Variants in ACER2 observed in about 807,000 individuals in gnomAD.
The protein encoded by ACER2 is alkaline ceramidase 2.
In ACER2, 26 loss-of-function variants were observed where a neutral mutation model predicts 34.7. The observed-to-expected ratio is 0.75, with a 90% CI of 0.55 to 1.04. The LOEUF (loss-of-function observed/expected upper bound fraction) is 1.04, where lower values mean the gene tolerates loss of function less well. Ranked by LOEUF, ACER2 falls within the 50% of genes least tolerant of loss-of-function variation. The pLI is 0.00. For missense variants in ACER2, 352 were observed against 340.8 expected (o/e 1.03, Z -0.26); for synonymous variants, 138 against 132.1 (o/e 1.04, Z -0.31).
intron 3 of ACER2, among the ~76,000 whole-genome samples, chr9:19,433,797 C>A (rs552933049): frequency 6.6e-6 from 1 of 151,160 alleles, no homozygotes; most frequent in Non-Finnish European, 1.5e-5. Context: ...ACCCCCCCAC[C>A]TCCTTCCCGG....
intron 4 of ACER2, 45 bp from the exon 5 acceptor site, chr9:19,446,236 G>T: frequency 6.2e-7 from 1 of 1,614,042 alleles, no homozygotes; most frequent in African/African-American, 1.3e-5. Context: ...GCAAGGAGGT[G>T]GAGACAAGGT....
intron 1 of ACER2, among the ~76,000 whole-genome samples, chr9:19,416,653 G>T (rs1424109588): frequency 6.6e-6 from 1 of 151,690 alleles, no homozygotes; most frequent in Non-Finnish European, 1.5e-5. Context: ...AGCCTCCCGA[G>T]TAGGTGGGAT....
At chr9:19,424,884 G>A (rs779512687) in intron 3 of ACER2, 43 bp downstream of exon 3, 53 of 1,610,844 alleles carry the variant, frequency 3.3e-5, no homozygotes, top group Non-Finnish European at 4.2e-5. Flanking sequence ...ACTAGGTGCA[G>A]TACCCAATAT....
At chr9:19,422,134 A>AG (rs1705516205) in intron 1 of ACER2, among the ~76,000 whole-genome samples, 2 of 151,572 alleles carry the variant, frequency 1.3e-5, no homozygotes, top group African/African-American at 2.4e-5. Flanking sequence ...AAAAAAAAAA[A>AG]AAATTATAAT....
intron 3 of ACER2, among the ~76,000 whole-genome samples, chr9:19,433,388 T>C (rs1308003456): frequency 1.3e-5 from 2 of 151,956 alleles, no homozygotes; most frequent in African/African-American, 4.8e-5. Context: ...AGCATCTGTT[T>C]AACAAAGCAC....
At chr9:19,417,291 A>G (rs540204306) in intron 1 of ACER2, among the ~76,000 whole-genome samples, 1 of 152,232 alleles carries the variant, frequency 6.6e-6, no homozygotes, top group Non-Finnish European at 1.5e-5. Flanking sequence ...GAAAATGGCC[A>G]TACTGCCCAA....
At position 19,446,547 on chromosome 9, in the gene ACER2, C is replaced by T. The variant is rs75688067; in HGVS notation, c.641+129C>T. 3,951 of 1,533,898 alleles carry T rather than the reference C, an allele frequency of 2.6e-3. 88 individuals are homozygous for T. In the African/African-American group the frequency reaches 0.048, roughly 19 times the overall value. On this transcript the variant is annotated intron_variant, in intron 5 of 5. Transcript: ENST00000340967. Reference sequence around the variant, plus strand: ...TGGCTTGCTTCTCTCCTCAGGTGGACGGTCAGATGGTTCAGAAGCCACTGA... The same window carrying T: ...TGGCTTGCTTCTCTCCTCAGGTGGATGGTCAGATGGTTCAGAAGCCACTGA...
intron 3 of ACER2, among the ~76,000 whole-genome samples, chr9:19,432,712 T>C (rs552297585): frequency 5.7e-4 from 85 of 147,932 alleles, no homozygotes; most frequent in African/African-American, 2.0e-3. Context: ...ATATATAAAA[T>C]ATATAATATA....
At chr9:19,423,660 C>T (rs746414914) in intron 1 of ACER2, among the ~76,000 whole-genome samples, 1 of 152,190 alleles carries the variant, frequency 6.6e-6, no homozygotes, top group Non-Finnish European at 1.5e-5. Flanking sequence ...AAGATCGTAC[C>T]ACTGCATTTC....
intron 3 of ACER2, among the ~76,000 whole-genome samples, chr9:19,433,859 C>G (rs1302036476): frequency 2.0e-5 from 3 of 148,136 alleles, no homozygotes; most frequent in Non-Finnish European, 1.5e-5. Flanking sequence ...TAGGGGCGGT[C>G]GGGCAGAGGT....
chr9:19,424,479 G>T, intron 2 of ACER2: 1 of 985,412 alleles, frequency 1.0e-6, no homozygotes, highest in Non-Finnish European at 1.2e-6. Context: ...AATTGTTAAA[G>T]TTCTGATGTG....
At chr9:19,434,479 C>T (rs1181928924) in intron 3 of ACER2, among the ~76,000 whole-genome samples, 5 of 152,246 alleles carry the variant, frequency 3.3e-5, no homozygotes, top group African/African-American at 9.6e-5. Context: ...CCAGCCTGGG[C>T]GCCATTGAGC....
intron 1 of ACER2, among the ~76,000 whole-genome samples, chr9:19,415,480 G>A (rs879648577): frequency 2.0e-5 from 3 of 151,758 alleles, no homozygotes; most frequent in Non-Finnish European, 4.4e-5. Context: ...GGGTGACAGA[G>A]TGAGACTCCA....
intron 3 of ACER2, among the ~76,000 whole-genome samples, chr9:19,431,616 G>A (rs1830755837): frequency 6.6e-6 from 1 of 152,332 alleles, no homozygotes; most frequent in East Asian, 1.9e-4. Flanking sequence ...GCTGGAGCAG[G>A]CGGCCTTTCC....
intron 3 of ACER2, among the ~76,000 whole-genome samples, chr9:19,431,194 T>G (rs1830743855): frequency 6.6e-6 from 1 of 152,146 alleles, no homozygotes; most frequent in Non-Finnish European, 1.5e-5. Context: ...ATAATGAATT[T>G]TATTAGTACA....
chr9:19,429,068 A>G (rs1251511193), intron 3 of ACER2, among the ~76,000 whole-genome samples: 5 of 152,000 alleles, frequency 3.3e-5, no homozygotes, highest in East Asian at 1.9e-4. Context: ...GATTACAGGC[A>G]TGAGCCACTG....
intron 3 of ACER2, among the ~76,000 whole-genome samples, chr9:19,425,146 A>G (rs1431423901): frequency 6.6e-6 from 1 of 152,188 alleles, no homozygotes; most frequent in African/African-American, 2.4e-5. Context: ...ACATTACTGA[A>G]TGCTTATTCA....
intron 3 of ACER2, among the ~76,000 whole-genome samples, chr9:19,434,091 G>A: frequency 6.6e-6 from 1 of 151,548 alleles, no homozygotes; most frequent in East Asian, 1.9e-4. Flanking sequence ...TCACCTCCCA[G>A]ACGGGGTGGC....
At chr9:19,426,940 G>C (rs1830589706) in intron 3 of ACER2, among the ~76,000 whole-genome samples, 1 of 152,040 alleles carries the variant, frequency 6.6e-6, no homozygotes, top group Non-Finnish European at 1.5e-5. Context: ...GTGACTATTG[G>C]GACTTTTTCA....
Sources: allele counts gnomAD v4.1 joint callset (sites outside exome capture counted in the v4.1 genomes callset), GRCh38; gene constraint gnomAD v4.1.1; transcripts MANE v1.5; gene names NCBI Gene and HGNC (gene_info 2026-07-23, HGNC 2026-07-21).